Variants in CATSPERE observed in about 807,000 individuals in gnomAD.
The protein encoded by CATSPERE is cation channel sperm-associated auxiliary subunit epsilon.
Under a neutral mutation model 114.1 loss-of-function variants are expected in CATSPERE, and 93 were observed. That is an observed-to-expected ratio of 0.81 (90% CI 0.69 to 0.97). The LOEUF (loss-of-function observed/expected upper bound fraction) is 0.97. CATSPERE is among the 50% of genes least tolerant of loss of function. The pLI, the probability that CATSPERE is intolerant of heterozygous loss-of-function variation, is 0.00. For missense variants in CATSPERE, 1,058 were observed against 1,131.6 expected (o/e 0.93, Z 0.93); for synonymous variants, 341 against 384.1 (o/e 0.89, Z 1.31).
chr1:244,596,330 A>T (rs1668423720), intron 17 of CATSPERE, among the ~76,000 whole-genome samples: 1 of 152,174 alleles, frequency 6.6e-6, no homozygotes, highest in South Asian at 2.1e-4. Context: ...CTAGCCAGCA[A>T]TCCATGAGTG....
chr1:244,520,920 A>C (rs1677433217), intron 8 of CATSPERE, among the ~76,000 whole-genome samples: 1 of 152,280 alleles, frequency 6.6e-6, no homozygotes. Context: ...GCACTAGCAC[A>C]GATAATTCCA....
In CATSPERE at chr1:244,518,758, A is replaced by G. The variant is rs888106959; in HGVS notation, c.536+60A>G. 17 of 883,094 alleles carry G rather than the reference A, an allele frequency of 1.9e-5. No homozygotes were observed. In the African/African-American group the frequency reaches 3.0e-4, roughly 15 times the overall value. The allele number at this position is 883,094 out of a possible 1,614,324, so 54.7% of individuals were successfully genotyped here. On this transcript the variant is annotated intron_variant, in intron 8 of 21. Coordinates refer to ENST00000366534, the MANE Select transcript of CATSPERE (RefSeq NM_001130957.2). ...ATGAAAACTTAAACTAGATTTTAAA[A>G]TCCTAGTGGAACTTAATGAAATGTG...
intron 6 of CATSPERE, 97 bp downstream of exon 6, chr1:244,490,568 T>C (rs2148223131): frequency 5.0e-6 from 4 of 806,426 alleles, no homozygotes; most frequent in Non-Finnish European, 8.1e-6. Context: ...ATTTTTCAAA[T>C]GAATTTTGCA....
intron 9 of CATSPERE, among the ~76,000 whole-genome samples, chr1:244,557,582 T>A (rs1410454404): frequency 2.8e-5 from 3 of 108,104 alleles, no homozygotes; most frequent in Non-Finnish European, 3.7e-5. Context: ...TATATATATA[T>A]AAAATCTCCC....
intron 8 of CATSPERE, among the ~76,000 whole-genome samples, chr1:244,542,198 G>T (rs1457282462): frequency 6.6e-6 from 1 of 151,632 alleles, no homozygotes; most frequent in African/African-American, 2.4e-5. Context: ...CCAAGCCCTG[G>T]TGCTTTCCTG....
At chr1:244,618,502 C>A (rs938715322) in intron 20 of CATSPERE, among the ~76,000 whole-genome samples, 4 of 152,122 alleles carry the variant, frequency 2.6e-5, no homozygotes, top group Non-Finnish European at 1.5e-5. Flanking sequence ...AAAAATAGAC[C>A]AGGCACGGTG....
At chr1:244,549,208 A>G (rs1660218124) in intron 8 of CATSPERE, among the ~76,000 whole-genome samples, 1 of 152,198 alleles carries the variant, frequency 6.6e-6, no homozygotes, top group Non-Finnish European at 1.5e-5. Context: ...AATGGCCCAG[A>G]CACTTTAGGA....
intron 18 of CATSPERE, among the ~76,000 whole-genome samples, chr1:244,608,105 T>G (rs1670232476): frequency 6.6e-6 from 1 of 152,106 alleles, no homozygotes; most frequent in South Asian, 2.1e-4. Context: ...AGACTCCGTC[T>G]AAAAAAATAA....
At position 244,508,934 on chromosome 1, in the gene CATSPERE, G is replaced by C. The variant is rs1675261578; in HGVS notation, c.430-9658G>C. Among the ~76,000 whole-genome samples, 3 of 150,980 alleles carry C rather than the reference G, an allele frequency of 2.0e-5. No homozygotes were observed. In the South Asian group the frequency reaches 6.3e-4, roughly 32 times the overall value. On this transcript the variant is annotated intron_variant, in intron 7 of 21. Coordinates refer to ENST00000366534, the MANE Select transcript of CATSPERE (RefSeq NM_001130957.2). ...GAGGATCACTTGAGCCCAGGAGTTT[G>C]AGGCTGCAGTGAGCCATGATCTGAG...
At chr1:244,519,144 G>C (rs79811877) in intron 8 of CATSPERE, among the ~76,000 whole-genome samples, 1 of 152,090 alleles carries the variant, frequency 6.6e-6, no homozygotes, top group Non-Finnish European at 1.5e-5. Flanking sequence ...CCTAGACACA[G>C]GGCAAGGTGC....
chr1:244,490,123 T>C (rs1199835905), intron 5 of CATSPERE, among the ~76,000 whole-genome samples: 1 of 152,146 alleles, frequency 6.6e-6, no homozygotes, highest in Non-Finnish European at 1.5e-5. Flanking sequence ...TAAAATCATA[T>C]GAGGACTTTG....
At chr1:244,546,461 C>A (rs1041991280) in intron 8 of CATSPERE, among the ~76,000 whole-genome samples, 2 of 152,108 alleles carry the variant, frequency 1.3e-5, no homozygotes, top group African/African-American at 4.8e-5. Context: ...ATGGTGTCCC[C>A]AAATGGACAA....
At chr1:244,516,959 G>GA (rs548914449) in intron 7 of CATSPERE, among the ~76,000 whole-genome samples, 34 of 151,956 alleles carry the variant, frequency 2.2e-4, no homozygotes, top group Non-Finnish European at 3.8e-4. Flanking sequence ...TACCAATAGT[G>GA]AAAAAAATAA....
intron 1 of CATSPERE, among the ~76,000 whole-genome samples, chr1:244,462,837 A>T (rs1460625464): frequency 6.6e-6 from 1 of 152,038 alleles, no homozygotes; most frequent in East Asian, 1.9e-4. Context: ...TATCCTAGCA[A>T]CTCTTCCTCT....
chr1:244,473,904 T>C (rs1000922080), intron 2 of CATSPERE, among the ~76,000 whole-genome samples: 2 of 152,200 alleles, frequency 1.3e-5, no homozygotes, highest in Admixed American at 1.3e-4. Flanking sequence ...TTAAAAAAAT[T>C]ATCTTTCTAT....
At chr1:244,595,238 C>T (rs569030536) in intron 17 of CATSPERE, among the ~76,000 whole-genome samples, 7 of 152,236 alleles carry the variant, frequency 4.6e-5, no homozygotes, top group Middle Eastern at 3.4e-3. Context: ...TAAACATATG[C>T]GCAGATATGC....
At chr1:244,531,794 G>A (rs3005945) in intron 8 of CATSPERE, among the ~76,000 whole-genome samples, 19,572 of 152,046 alleles carry the variant, frequency 0.13, 2,192 homozygotes, top group African/African-American at 0.3. Flanking sequence ...AGTTTTCTTT[G>A]TTTGATATGT....
At chr1:244,583,262 T>C (rs1285781872) in intron 12 of CATSPERE, among the ~76,000 whole-genome samples, 2 of 152,188 alleles carry the variant, frequency 1.3e-5, no homozygotes, top group Non-Finnish European at 2.9e-5. Flanking sequence ...AATCAAACTT[T>C]CACGTTTTCT....
At chr1:244,499,209 A>G (rs1673603082) in intron 7 of CATSPERE, 130 bp downstream of exon 7, 1 of 564,416 alleles carries the variant, frequency 1.8e-6, no homozygotes. Context: ...CATTTGCATG[A>G]TCCCTTTTAG....
Sources: gnomAD v4.1 joint callset for allele counts (sites outside exome capture counted in the v4.1 genomes callset) on GRCh38, gnomAD v4.1.1 for gene constraint, MANE v1.5 for transcripts, NCBI Gene and HGNC (gene_info 2026-07-23, HGNC 2026-07-21) for gene names.